Variants in SUN3 observed in about 807,000 individuals in gnomAD.
SUN3 encodes the protein SUN domain-containing protein 3.
In SUN3, 36 loss-of-function variants were observed where a neutral mutation model predicts 48.2. That is an observed-to-expected ratio of 0.75 (90% CI 0.57 to 0.99). The LOEUF (loss-of-function observed/expected upper bound fraction) is 0.99. Among genes scored for constraint, SUN3 ranks in the 50% least tolerant of loss-of-function variants. SUN3 has a pLI of 0.00. For synonymous variants in SUN3, 148 were observed against 147.9 expected, an observed-to-expected ratio of 1.00 and a Z score of 0.00; for missense variants, 419 against 433.1, an observed-to-expected ratio of 0.97 and a Z score of 0.29.
At chr7:47,998,340 A>G (rs1470488232) in intron 6 of SUN3, among the ~76,000 whole-genome samples, 2 of 152,230 alleles carry the variant, frequency 1.3e-5, no homozygotes, top group Non-Finnish European at 1.5e-5. Flanking sequence ...ATTTTTTCAT[A>G]TACTTTTTTG....
At chr7:47,995,756 C>CAT (rs1789193381) in intron 7 of SUN3, among the ~76,000 whole-genome samples, 1 of 152,104 alleles carries the variant, frequency 6.6e-6, no homozygotes, top group Admixed American at 6.5e-5. Context: ...ACAGAAAAGA[C>CAT]ATGGAATGTA....
intron 1 of SUN3, among the ~76,000 whole-genome samples, 172 bp from the exon 2 acceptor site, chr7:48,026,110 G>C (rs1790127337): frequency 6.6e-6 from 1 of 152,040 alleles, no homozygotes; most frequent in Non-Finnish European, 1.5e-5. Flanking sequence ...TAAATTGAGA[G>C]AAGATCGTTT....
Position 48,028,813 on chromosome 7 carries a change from C to G in SUN3, c.122+4G>C, listed in dbSNP as rs369779403. 1 of 1,613,496 alleles carries G rather than the reference C, an allele frequency of 6.2e-7. No homozygotes were observed. The highest frequency in any genetic ancestry group is 8.5e-7 in the Non-Finnish European group (1 of 1,179,600). On this transcript the variant is annotated splice_donor_region_variant and intron_variant, in intron 1 of 9. Coordinates refer to ENST00000297325, the MANE Select transcript of SUN3 (RefSeq NM_001030019.2). ...AGGCACACCGTTCTGCCATGTTTACCTACCCATTCGCATCAGGATTTTCGT... is the reference window on the plus strand; with the variant it reads ...AGGCACACCGTTCTGCCATGTTTACGTACCCATTCGCATCAGGATTTTCGT...
At chr7:48,010,457 T>G (rs1390237643) in intron 3 of SUN3, among the ~76,000 whole-genome samples, 1 of 152,184 alleles carries the variant, frequency 6.6e-6, no homozygotes, top group African/African-American at 2.4e-5. Flanking sequence ...CTGACATGTT[T>G]TACTCAAGTG....
intron 2 of SUN3, among the ~76,000 whole-genome samples, chr7:48,022,381 T>A (rs1313273768): frequency 1.3e-5 from 2 of 152,008 alleles, no homozygotes; most frequent in Non-Finnish European, 2.9e-5. Context: ...CAGTAAAAAA[T>A]TACTTAATTG....
chr7:48,022,342 G>A (rs1026543809), intron 2 of SUN3, among the ~76,000 whole-genome samples: 2 of 151,906 alleles, frequency 1.3e-5, no homozygotes, highest in South Asian at 2.1e-4. Context: ...TAAATAAGAC[G>A]TACTATTTGA....
intron 6 of SUN3, among the ~76,000 whole-genome samples, chr7:47,996,962 G>A (rs145121835): frequency 0.024 from 3,714 of 151,806 alleles, 148 homozygotes; most frequent in African/African-American, 0.085. Context: ...CCACCACGCC[G>A]GCTAAGTTTT....
chr7:48,016,274 A>T (rs757214080), intron 3 of SUN3, among the ~76,000 whole-genome samples: 6 of 152,108 alleles, frequency 3.9e-5, no homozygotes, highest in African/African-American at 1.4e-4. Flanking sequence ...CTGCCAAACT[A>T]TCTTTAAAAA....
At chr7:47,998,636 T>TA (rs1017403136) in intron 6 of SUN3, among the ~76,000 whole-genome samples, 9 of 152,326 alleles carry the variant, frequency 5.9e-5, no homozygotes, top group African/African-American at 2.2e-4. Context: ...TTTCTAACTC[T>TA]AAAAAATTTC....
chr7:48,025,723 A>T (rs1196621825), intron 2 of SUN3, among the ~76,000 whole-genome samples, 154 bp downstream of exon 2: 1 of 152,230 alleles, frequency 6.6e-6, no homozygotes, highest in Admixed American at 6.5e-5. Context: ...TCAGAAATAA[A>T]AAACAAACGA....
chr7:48,034,828 T>C, the SUN3 span, among the ~76,000 whole-genome samples: 7 of 152,180 alleles, frequency 4.6e-5, no homozygotes, highest in Non-Finnish European at 1.0e-4. Context: ...TCCATATAAA[T>C]ATGGTTAAGA....
intron 3 of SUN3, 71 bp downstream of exon 3, chr7:48,017,191 A>G (rs1789835759): frequency 4.1e-6 from 3 of 725,406 alleles, no homozygotes; most frequent in East Asian, 5.5e-5. Flanking sequence ...AACATATTGA[A>G]AGTTGAACTA....
At chr7:47,996,448 G>T (rs2708901) in intron 6 of SUN3, among the ~76,000 whole-genome samples, 3 of 151,916 alleles carry the variant, frequency 2.0e-5, no homozygotes, top group African/African-American at 4.8e-5. Context: ...ACCTAAAAAC[G>T]TATATAGATC....
intron 1 of SUN3, 53 bp downstream of exon 1, chr7:48,028,764 G>T (rs1002145298): frequency 1.3e-6 from 2 of 1,597,620 alleles, no homozygotes; most frequent in Admixed American, 1.7e-5. Flanking sequence ...AGTGACAGAT[G>T]TAACACATAA....
chr7:47,999,771 T>C (rs773763506), intron 6 of SUN3, among the ~76,000 whole-genome samples: 2 of 152,196 alleles, frequency 1.3e-5, no homozygotes, highest in East Asian at 1.9e-4. Context: ...CTGACCTCAA[T>C]TGATCCGCCT....
Position 48,028,887 on chromosome 7 carries a change from A to G in SUN3, c.52T>C (p.Ser18Pro). ...CTGGCGCTACCGCTGGCGTCTTCAGAGCAACGTCTAAAAAACATGGCAGCC... is the reference window on the plus strand; with the variant it reads ...CTGGCGCTACCGCTGGCGTCTTCAGGGCAACGTCTAAAAAACATGGCAGCC... Reference protein sequence around the residue: ...RRAAMFFRRCSEDASGSASGN... With the variant: ...RRAAMFFRRCPEDASGSASGN... The change falls in exon 1 of 10, where the codon TCT becomes CCT. Residue 18 changes from serine to proline, a missense_variant. Physicochemically the swap from Ser to Pro is moderately conservative, Grantham distance 74. Coordinates refer to ENST00000297325, the MANE Select transcript of SUN3 (RefSeq NM_001030019.2). The G allele has an allele frequency of 1.2e-6, 2 of 1,613,984 alleles. No homozygotes were observed. Among genetic ancestry groups the G allele is most frequent in the South Asian group, 1.1e-5 (1 of 91,080 alleles).
chr7:47,989,328 C>T (rs148713585), intron 8 of SUN3, among the ~76,000 whole-genome samples: 142 of 152,272 alleles, frequency 9.3e-4, no homozygotes, highest in African/African-American at 3.3e-3. Context: ...ATGAGATAAA[C>T]ATAAGCCCAT....
At chr7:48,007,893 G>A (rs1207482054) in intron 4 of SUN3, among the ~76,000 whole-genome samples, 2 of 150,462 alleles carry the variant, frequency 1.3e-5, no homozygotes, top group Non-Finnish European at 2.9e-5. Flanking sequence ...GCGTGATCTC[G>A]GCTCACTGCA....
chr7:48,008,677 T>C (rs1789599480), intron 4 of SUN3, among the ~76,000 whole-genome samples: 1 of 152,222 alleles, frequency 6.6e-6, no homozygotes. Context: ...ATTATGTATA[T>C]GCACAAGTGA....
Sources: gnomAD v4.1 joint callset for allele counts (sites outside exome capture counted in the v4.1 genomes callset) on GRCh38, gnomAD v4.1.1 for gene constraint, MANE v1.5 for transcripts, NCBI Gene and HGNC (gene_info 2026-07-23, HGNC 2026-07-21) for gene names.